Variants in KCTD16 observed in about 807,000 individuals in gnomAD.
KCTD16 encodes the protein potassium channel tetramerization domain containing 16.
Under a neutral mutation model 33.2 loss-of-function variants are expected in KCTD16, and 13 were observed. That is an observed-to-expected ratio of 0.39 (90% CI 0.25 to 0.62). The LOEUF (loss-of-function observed/expected upper bound fraction) is 0.62. Ranked by LOEUF, KCTD16 falls within the 20% of genes least tolerant of loss-of-function variation. The pLI is 0.50. For missense variants in KCTD16, 441 were observed against 525.1 expected, an observed-to-expected ratio of 0.84 and a Z score of 1.57; for synonymous variants, 197 against 195.3, an observed-to-expected ratio of 1.01 and a Z score of -0.07.
intron 3 of KCTD16, among the ~76,000 whole-genome samples, chr5:144,300,456 A>G (rs1176653397): frequency 1.3e-5 from 2 of 152,190 alleles, no homozygotes; most frequent in East Asian, 1.9e-4. Flanking sequence ...AAATTGTCTC[A>G]TGCTATTTCA....
chr5:144,195,197 A>G (rs955534565), intron 2 of KCTD16, among the ~76,000 whole-genome samples: 4 of 152,196 alleles, frequency 2.6e-5, no homozygotes, highest in Admixed American at 2.0e-4. Flanking sequence ...GCATGGGGGA[A>G]TCTCTTCCTG....
chr5:144,446,075 G>A (rs1753811766), intron 3 of KCTD16, among the ~76,000 whole-genome samples: 1 of 151,794 alleles, frequency 6.6e-6, no homozygotes, highest in African/African-American at 2.4e-5. Flanking sequence ...TGTGATTGTA[G>A]ATGATTTGTT....
chr5:144,199,477 A>T (rs1167052696), intron 2 of KCTD16, among the ~76,000 whole-genome samples: 1 of 152,196 alleles, frequency 6.6e-6, no homozygotes, highest in African/African-American at 2.4e-5. Flanking sequence ...CTATTCCTAA[A>T]ATAGTGCATG....
chr5:144,298,407 G>T (rs1756107676), intron 3 of KCTD16, among the ~76,000 whole-genome samples: 1 of 152,174 alleles, frequency 6.6e-6, no homozygotes, highest in South Asian at 2.1e-4. Context: ...ATTGTTCATA[G>T]CAGCTATTTT....
Position 144,271,760 on chromosome 5 carries a change from TACAC to T in KCTD16, c.832+64240_832+64243del, listed in dbSNP as rs3077273. On this transcript the variant is annotated intron_variant, in intron 3 of 3. Transcript: ENST00000512467. ...CTGGTATGTCTAAAAGACTAAAAACTACACACACACACACACACACACACACACA... is the reference window on the plus strand; with the variant it reads ...CTGGTATGTCTAAAAGACTAAAAACTACACACACACACACACACACACACA... Among the ~76,000 whole-genome samples, 438 of 146,202 alleles carry T rather than the reference TACAC, an allele frequency of 3.0e-3. 3 individuals are homozygous for T. The highest frequency in any genetic ancestry group is 6.9e-3 in the Middle Eastern group (2 of 290).
rs569037801 is a variant in KCTD16, at chr5:144,240,118, C to T, written c.832+32572C>T. Among the ~76,000 whole-genome samples, 7 of 152,252 alleles carry T rather than the reference C, an allele frequency of 4.6e-5. No individual in the cohort carries two copies. In the South Asian group the frequency reaches 1.2e-3, roughly 27 times the overall value. ...AACTTCAGAAAATTAAGTAATGTAACATCAGACACGTAGCTAATAAGTGGT... is the reference window on the plus strand; with the variant it reads ...AACTTCAGAAAATTAAGTAATGTAATATCAGACACGTAGCTAATAAGTGGT... On this transcript the variant is annotated intron_variant, in intron 3 of 3. Transcript: ENST00000512467.
rs147513721 is a variant in KCTD16 at position 144,210,258 on chromosome 5, G to A, written c.832+2712G>A. ...GGTTTTCAGTGTGTGTTTTGTTAGT[G>A]TAGAACTATGAACAATGAAAAAGTC... On this transcript the variant is annotated intron_variant, in intron 3 of 3. Transcript: ENST00000512467. Among the ~76,000 whole-genome samples, 18 of 152,168 alleles carry A rather than the reference G, an allele frequency of 1.2e-4. No homozygotes were observed. The East Asian group carries it at 3.3e-3, about 28-fold the overall frequency.
chr5:144,194,469 C>T (rs1401493843), intron 2 of KCTD16, among the ~76,000 whole-genome samples: 2 of 152,128 alleles, frequency 1.3e-5, no homozygotes, highest in African/African-American at 2.4e-5. Context: ...AAGGATTGGT[C>T]AATGTTAGTG....
intron 3 of KCTD16, among the ~76,000 whole-genome samples, chr5:144,345,954 AT>A (rs35514283): frequency 0.023 from 3,300 of 140,586 alleles, 47 homozygotes; most frequent in Middle Eastern, 0.048. Flanking sequence ...TATTCATTCT[AT>A]TTTTTTTTTT....
rs187248458 is a variant in KCTD16 at position 144,282,143 on chromosome 5, C to T, written c.832+74597C>T. On this transcript the variant is annotated intron_variant, in intron 3 of 3. Transcript: ENST00000512467. The stretch of plus-strand genomic sequence containing the variant: ...AGATTAGAGGGTTGAGACTTTCACC[C>T]CCACCTCCCAACCTCTAGGAAGTAG... Among the ~76,000 whole-genome samples the T allele has an allele frequency of 1.3e-3, 198 of 152,250 alleles. 1 individual carries two copies. Among genetic ancestry groups the T allele is most frequent in the Non-Finnish European group, 2.1e-3 (145 of 68,004 alleles).
intron 3 of KCTD16, chr5:144,439,057 T>A (rs1753642613): frequency 6.5e-6 from 1 of 154,384 alleles, no homozygotes; most frequent in Non-Finnish European, 1.4e-5. Context: ...TTTTTCTGGT[T>A]CTAATCTTAT....
intron 3 of KCTD16, among the ~76,000 whole-genome samples, chr5:144,360,265 A>C (rs1297043485): frequency 6.6e-6 from 1 of 151,798 alleles, no homozygotes; most frequent in Admixed American, 6.6e-5. Context: ...CCTACCCCCC[A>C]AGAGGCCCCA....
intron 3 of KCTD16, among the ~76,000 whole-genome samples, chr5:144,432,577 G>A (rs969453250): frequency 3.3e-5 from 5 of 152,060 alleles, no homozygotes; most frequent in African/African-American, 1.2e-4. Flanking sequence ...GGGCAAGACT[G>A]AATGACTTAT....
chr5:144,206,162 T>C (rs1753164480), intron 2 of KCTD16: 1 of 152,786 alleles, frequency 6.5e-6, no homozygotes, highest in Non-Finnish European at 1.5e-5. Context: ...TCATACTAAT[T>C]GCTGGAGACA....
Position 144,207,142 on chromosome 5 carries a change from C to A in KCTD16, c.428C>A (p.Ser143Tyr), listed in dbSNP as rs777394482. 6.2e-7 allele frequency: 1 copy of A among 1,611,338 alleles called. No homozygotes were observed. Among genetic ancestry groups the A allele is most frequent in the East Asian group, 2.2e-5 (1 of 44,862 alleles). The stretch of plus-strand genomic sequence containing the variant: ...TGCCACAGTGACTTTGAAGATGCCT[C>A]CCAAGGAAGCGACACAAGAATCTGC... Reference protein sequence around the residue: ...EFCHSDFEDASQGSDTRICPP... With the variant: ...EFCHSDFEDAYQGSDTRICPP... The change falls in exon 3 of 4, where the codon TCC becomes TAC. Residue 143 changes from serine (S) to tyrosine (Y), a missense_variant. Coordinates refer to ENST00000512467, the MANE Select transcript of KCTD16 (RefSeq NM_020768.4).
chr5:144,417,070 G>A lies in KCTD16; in HGVS notation c.833-56590G>A, dbSNP rs149178031. On this transcript the variant is annotated intron_variant, in intron 3 of 3. Coordinates refer to ENST00000512467, the MANE Select transcript of KCTD16 (RefSeq NM_020768.4). Reference sequence around the variant, plus strand: ...CTACTTTTTGGTTTTTGTGAATAGCGCTGCTATCATCATGCTTGAACAGGT... The same window carrying A: ...CTACTTTTTGGTTTTTGTGAATAGCACTGCTATCATCATGCTTGAACAGGT... Among the ~76,000 whole-genome samples the A allele has an allele frequency of 6.0e-4, 91 of 152,142 alleles. 1 individual carries two copies. In the East Asian group the frequency reaches 0.012, roughly 20 times the overall value.
At chr5:144,326,959 C>T (rs919914706) in intron 3 of KCTD16, among the ~76,000 whole-genome samples, 2 of 152,106 alleles carry the variant, frequency 1.3e-5, no homozygotes, top group African/African-American at 2.4e-5. Context: ...AGTAACTGAG[C>T]GTTCTGAGAA....
Position 144,484,230 on chromosome 5 carries a change from T to TAA in KCTD16, c.*10117_*10118dup, listed in dbSNP as rs957083042. 24 of 151,942 alleles carry TAA rather than the reference T, an allele frequency of 1.6e-4. No individual in the cohort carries two copies. The highest frequency in any genetic ancestry group is 5.8e-4 in the African/African-American group (24 of 41,416). 9.4% of individuals were successfully genotyped at this position (151,942 alleles called of 1,614,324 possible). ...TTCTTTAAGGAAATTGATTCATGAA[T>TAA]AATTGGAAAGGTATTCTAGTTAAGA... On this transcript the variant is annotated 3_prime_UTR_variant, in exon 4 of 4. Coordinates refer to ENST00000512467, the MANE Select transcript of KCTD16 (RefSeq NM_020768.4).
At chr5:144,444,044 C>T (rs1753766873) in intron 3 of KCTD16, among the ~76,000 whole-genome samples, 2 of 151,984 alleles carry the variant, frequency 1.3e-5, no homozygotes, top group African/African-American at 2.4e-5. Context: ...GATCTGGATT[C>T]CACTGTCTCC....
Sources: allele counts gnomAD v4.1 joint callset (sites outside exome capture counted in the v4.1 genomes callset), GRCh38; gene constraint gnomAD v4.1.1; transcripts MANE v1.5; gene names NCBI Gene and HGNC (gene_info 2026-07-23, HGNC 2026-07-21).